The following BATF variants were observed in gnomAD, a reference collection of about 807,000 sequenced individuals.
BATF encodes the protein basic leucine zipper ATF-like transcription factor, also known as basic leucine zipper transcriptional factor ATF-like.
In BATF, 5 loss-of-function variants were observed where a neutral mutation model predicts 13.7. The observed-to-expected ratio is 0.36, with a 90% CI of 0.19 to 0.77. The LOEUF (loss-of-function observed/expected upper bound fraction) is 0.77, where lower values mean the gene tolerates loss of function less well. Ranked by LOEUF, BATF falls within the 30% of genes least tolerant of loss-of-function variation. The pLI is 0.51. For synonymous variants in BATF, 72 were observed against 67.5 expected (o/e 1.07, Z -0.33); for missense variants, 124 against 163.0 (o/e 0.76, Z 1.30).
intron 2 of BATF, among the ~76,000 whole-genome samples, chr14:75,527,699 G>A (rs770573711): frequency 6.6e-6 from 1 of 152,084 alleles, no homozygotes; most frequent in Non-Finnish European, 1.5e-5. Flanking sequence ...AGAGCTTGAG[G>A]GTCCACAGAG....
intron 2 of BATF, among the ~76,000 whole-genome samples, chr14:75,530,167 CTTAT>C (rs1253023025): frequency 1.3e-5 from 2 of 151,826 alleles, no homozygotes; most frequent in African/African-American, 4.8e-5. Context: ...GATGGTAGAC[CTTAT>C]TTAGTTAGGA....
intron 2 of BATF, among the ~76,000 whole-genome samples, chr14:75,526,124 G>A (rs1887651191): frequency 6.6e-6 from 1 of 152,182 alleles, no homozygotes; most frequent in African/African-American, 2.4e-5. Flanking sequence ...GAGCAGTGCT[G>A]AACTGCAGTT....
rs1000241022 is a variant in BATF, at chr14:75,546,499, G to A, written c.206G>A (p.Arg69His). 1 of 1,614,138 alleles carries A rather than the reference G, an allele frequency of 6.2e-7. No individual in the cohort carries two copies. The highest frequency in any genetic ancestry group is 8.5e-7 in the Non-Finnish European group (1 of 1,180,022). Reference protein sequence around the residue: ...EDLEKQNAALRKEIKQLTEEL... With the variant: ...EDLEKQNAALHKEIKQLTEEL... ...CTGGAGAAACAGAACGCGGCTCTAC[G>A]CAAGGAGATCAAGCAGCTCACAGAG... The change falls in exon 3 of 3, where the codon CGC becomes CAC. Residue 69 changes from arginine to histidine, a missense_variant. Physicochemically the swap from Arg to His is conservative, Grantham distance 29. Transcript: ENST00000286639.
At chr14:75,536,339 A>T (rs1401496810) in intron 2 of BATF, among the ~76,000 whole-genome samples, 1 of 152,190 alleles carries the variant, frequency 6.6e-6, no homozygotes, top group Non-Finnish European at 1.5e-5. Context: ...CCTTGAGGCC[A>T]AGCTGCGAGG....
At chr14:75,545,870 G>C (rs758914672) in intron 2 of BATF, among the ~76,000 whole-genome samples, 4 of 151,476 alleles carry the variant, frequency 2.6e-5, no homozygotes, top group Non-Finnish European at 4.4e-5. Context: ...CTTTTTTGCC[G>C]GGAGGAGAGA....
intron 2 of BATF, among the ~76,000 whole-genome samples, chr14:75,536,727 A>ATAAAATAAAATAAAATAAAATAAAC (rs1325475561): frequency 7.6e-5 from 11 of 144,030 alleles, no homozygotes; most frequent in Non-Finnish European, 1.6e-4. Flanking sequence ...TGTCTTTAAA[A>ATAAAATAAAATAAAATAAAATAAAC]TAAAATAAAA....
At chr14:75,546,396 C>T in intron 2 of BATF, 66 bp from the exon 3 acceptor site, 1 of 1,556,320 alleles carries the variant, frequency 6.4e-7, no homozygotes, top group South Asian at 1.2e-5. Context: ...CTGTGTCCCT[C>T]CGCACCCCAC....
In BATF at chr14:75,546,925, A is replaced by G. The variant is rs745682618; in HGVS notation, c.*254A>G. Reference sequence around the variant, plus strand: ...CAGAAGAGTATTAAGAAAGATGCTCAAGTCCCATGGCACAGAGCAAGGCGG... The same window carrying G: ...CAGAAGAGTATTAAGAAAGATGCTCGAGTCCCATGGCACAGAGCAAGGCGG... On this transcript the variant is annotated 3_prime_UTR_variant, in exon 3 of 3. Transcript: ENST00000286639. 1.4e-5 allele frequency: 10 copies of G among 705,756 alleles called. No homozygotes were observed. In the South Asian group the frequency reaches 1.5e-4, roughly 10 times the overall value. 43.7% of individuals were successfully genotyped at this position (705,756 alleles called of 1,614,324 possible).
At chr14:75,535,473 A>G (rs186445397) in intron 2 of BATF, among the ~76,000 whole-genome samples, 161 of 152,318 alleles carry the variant, frequency 1.1e-3, no homozygotes, top group Non-Finnish European at 1.8e-3. Flanking sequence ...GACTAGGATC[A>G]TGGGCGTTTT....
intron 2 of BATF, among the ~76,000 whole-genome samples, chr14:75,542,613 G>A (rs775691487): frequency 4.4e-4 from 67 of 152,336 alleles, no homozygotes; most frequent in Middle Eastern, 3.4e-3. Context: ...ATGGAGGGAC[G>A]AGGCCCCAGA....
At position 75,522,550 on chromosome 14, in the gene BATF, G is replaced by C; in HGVS notation, c.-133G>C. 1.1e-6 allele frequency: 1 copy of C among 925,976 alleles called. No individual in the cohort carries two copies. The highest frequency in any genetic ancestry group is 1.7e-6 in the Non-Finnish European group (1 of 585,212). The allele number at this position is 925,976 out of a possible 1,614,324, so 57.4% of individuals were successfully genotyped here. A position where few individuals can be genotyped will look rare whatever the true frequency, so the allele number is the denominator to read the frequency against. On this transcript the variant is annotated 5_prime_UTR_variant, in exon 1 of 3. Transcript: ENST00000286639. ...GACGCAGGGGTCAGAGGTGGCTACA[G>C]GGCAGGCAGAGGAGGCACCTGTAGG...
At chr14:75,531,845 T>G (rs1272996442) in intron 2 of BATF, among the ~76,000 whole-genome samples, 2 of 152,208 alleles carry the variant, frequency 1.3e-5, no homozygotes, top group Admixed American at 1.3e-4. Flanking sequence ...GGAATTCTTT[T>G]GCTCTCTCTG....
chr14:75,525,816 C>T (rs1045315747), intron 2 of BATF, among the ~76,000 whole-genome samples: 15 of 131,458 alleles, frequency 1.1e-4, no homozygotes, highest in East Asian at 5.8e-4. Context: ...GCTTTGGGGA[C>T]GGCCCATTGT....
intron 2 of BATF, among the ~76,000 whole-genome samples, chr14:75,532,129 T>C (rs1887743606): frequency 6.6e-6 from 1 of 152,242 alleles, no homozygotes; most frequent in Non-Finnish European, 1.5e-5. Flanking sequence ...TTGCATTAAG[T>C]AACTTGATGG....
chr14:75,524,984 A>G, intron 1 of BATF, 100 bp from the exon 2 acceptor site: 4 of 1,004,764 alleles, frequency 4.0e-6, no homozygotes, highest in Non-Finnish European at 6.0e-6. Flanking sequence ...AGACGAAGGC[A>G]TGGAAGGATG....
chr14:75,546,662 C>T lies in BATF; in HGVS notation c.369C>T (p.Phe123=), dbSNP rs1352965668. 6.3e-7 allele frequency: 1 copy of T among 1,599,504 alleles called. No homozygotes were observed. Among genetic ancestry groups the T allele is most frequent in the East Asian group, 2.3e-5 (1 of 44,074 alleles). ...AACCTCATGTCAGCTCCCCGCGCTT[C>T]CAGCCCTGAGCTTCCGATGCGGGGA... ...FHQPHVSSPR[F]QP Residue 123 remains phenylalanine, a synonymous_variant, in exon 3 of 3, where the codon TTC becomes TTT. Transcript: ENST00000286639.
rs1359460170 is a variant in BATF, at chr14:75,546,590, C to T, written c.297C>T (p.Ser99=). 6.2e-7 allele frequency: 1 copy of T among 1,613,922 alleles called. No individual in the cohort carries two copies. The highest frequency in any genetic ancestry group is 8.5e-7 in the Non-Finnish European group (1 of 1,179,986). The change falls in exon 3 of 3, where the codon AGC becomes AGT. Residue 99 remains serine, a synonymous_variant. Transcript: ENST00000286639. ...CCCTGTGCTCGGTGCTGGCCGCCAGCACGCCCTCGCCCCCCGAGGTGGTGT... is the reference window on the plus strand; with the variant it reads ...CCCTGTGCTCGGTGCTGGCCGCCAGTACGCCCTCGCCCCCCGAGGTGGTGT... ...HEPLCSVLAA[S]TPSPPEVVYS...
At position 75,522,528 on chromosome 14, in the gene BATF, G is replaced by A. The variant is rs969522709; in HGVS notation, c.-155G>A. 2.1e-5 allele frequency: 15 copies of A among 699,230 alleles called. No homozygotes were observed. The highest frequency in any genetic ancestry group is 5.3e-5 in the African/African-American group (3 of 56,174). 43.3% of individuals were successfully genotyped at this position (699,230 alleles called of 1,614,324 possible). On this transcript the variant is annotated 5_prime_UTR_variant, in exon 1 of 3. Coordinates refer to ENST00000286639, the MANE Select transcript of BATF (RefSeq NM_006399.5). ...CTCTGCACCCCAGAGTGAGGAGGAC[G>A]CAGGGGTCAGAGGTGGCTACAGGGC...
intron 2 of BATF, among the ~76,000 whole-genome samples, chr14:75,529,724 A>G (rs1217283766): frequency 1.3e-5 from 2 of 152,212 alleles, no homozygotes; most frequent in Non-Finnish European, 2.9e-5. Flanking sequence ...TTTACTTACT[A>G]TATGAGAGAG....
Sources: gnomAD v4.1 joint callset for allele counts (sites outside exome capture counted in the v4.1 genomes callset) on GRCh38, gnomAD v4.1.1 for gene constraint, MANE v1.5 for transcripts, NCBI Gene and HGNC (gene_info 2026-07-23, HGNC 2026-07-21) for gene names.